Variants in STARD9 observed in about 807,000 individuals in gnomAD.
The protein encoded by STARD9 is stAR-related lipid transfer protein 9.
In STARD9, 346 loss-of-function variants were observed where a neutral mutation model predicts 399.8. The ratio of observed to expected loss-of-function variants is 0.87; its 90% confidence interval spans 0.79 to 0.95. The LOEUF (loss-of-function observed/expected upper bound fraction) is 0.95. Ranked by LOEUF, STARD9 falls within the 40% of genes least tolerant of loss-of-function variation. The probability of loss-of-function intolerance (pLI) is 0.00; values close to 1 mark genes in which losing one functional copy is unlikely to be tolerated. For synonymous variants in STARD9, 2,203 were observed against 2,143.5 expected (o/e 1.03, Z -0.77); for missense variants, 5,832 against 5,667.5 (o/e 1.03, Z -0.93).
At chr15:42,589,965 T>TC (rs2058361997) in intron 3 of STARD9, among the ~76,000 whole-genome samples, 1 of 146,788 alleles carries the variant, frequency 6.8e-6, no homozygotes, top group Non-Finnish European at 1.5e-5. Context: ...TTTTTTTTTT[T>TC]TTTTTTTTTT....
In STARD9 at chr15:42,695,977, C is replaced by T. The variant is rs7163324; in HGVS notation, c.13284+97C>T. 0.01 allele frequency: 14,090 copies of T among 1,359,274 alleles called. 705 individuals carry two copies. The African/African-American group carries it at 0.13, about 13-fold the overall frequency. The allele number at this position is 1,359,274 out of a possible 1,614,324, so 84.2% of individuals were successfully genotyped here. On this transcript the variant is annotated intron_variant, in intron 26 of 32. Transcript: ENST00000290607. ...GCCTCCTGGAGTTTGGGCAAGACGC[C>T]GTGCCTCCTGGAGGCCACTGCTGAC...
At position 42,575,663 on chromosome 15, in the gene STARD9, G is replaced by C; in HGVS notation, c.-53G>C. On this transcript the variant is annotated 5_prime_UTR_variant, in exon 1 of 33. Coordinates refer to ENST00000290607, the MANE Select transcript of STARD9 (RefSeq NM_020759.3). The stretch of plus-strand genomic sequence containing the variant: ...GGCTGTGTCTGGGCTTAGGGCGGGG[G>C]CCTGGGATGCTGCCGCTGAGCTGAC... The C allele has an allele frequency of 6.5e-7, 1 of 1,528,460 alleles. No homozygotes were observed. The highest frequency in any genetic ancestry group is 1.4e-5 in the African/African-American group (1 of 72,948). 94.7% of individuals were successfully genotyped at this position (1,528,460 alleles called of 1,614,324 possible). A position where few individuals can be genotyped will look rare whatever the true frequency, so the allele number is the denominator to read the frequency against.
At chr15:42,652,251 G>A (rs1245342452) in intron 8 of STARD9, among the ~76,000 whole-genome samples, 2 of 149,410 alleles carry the variant, frequency 1.3e-5, no homozygotes, top group Non-Finnish European at 2.9e-5. Context: ...CTTTTCACTT[G>A]AATTTTTGCT....
At position 42,692,885 on chromosome 15, in the gene STARD9, G is replaced by C; in HGVS notation, c.11307G>C (p.Ser3769=). The C allele has an allele frequency of 6.5e-7, 1 of 1,537,220 alleles. No individual in the cohort carries two copies. The highest frequency in any genetic ancestry group is 8.7e-7 in the Non-Finnish European group (1 of 1,146,908). The change falls in exon 23 of 33, where the codon TCG becomes TCC. Residue 3769 remains serine (S), a synonymous_variant. Transcript: ENST00000290607. The part of the protein sequence containing the change: ...VILEGLGSDT[S]TVSQEEGDVP... ...TTGAAGGGCTAGGCTCAGATACCTC[G>C]ACTGTGTCTCAAGAAGAGGGAGATG...
intron 3 of STARD9, among the ~76,000 whole-genome samples, chr15:42,595,060 C>A (rs76465418): frequency 0.036 from 5,460 of 152,186 alleles, 340 homozygotes; most frequent in African/African-American, 0.13. Context: ...TGTGACCTTC[C>A]CTTCTTTTAT....
chr15:42,652,369 A>G (rs1374176077), intron 8 of STARD9, 151 bp from the exon 9 acceptor site: 30 of 670,810 alleles, frequency 4.5e-5, no homozygotes, highest in Non-Finnish European at 2.6e-5. Context: ...TCTTTGGACT[A>G]TTCTCTTCAC....
chr15:42,685,421 C>G lies in STARD9; in HGVS notation c.3843C>G (p.Phe1281Leu). 1 of 1,536,426 alleles carries G rather than the reference C, an allele frequency of 6.5e-7. No homozygotes were observed. Among genetic ancestry groups the G allele is most frequent in the Non-Finnish European group, 8.7e-7 (1 of 1,146,320 alleles). Residue 1281 changes from phenylalanine (F) to leucine (L), a missense_variant, in exon 23 of 33, where the codon TTC (phenylalanine) becomes TTG (leucine). Physicochemically the swap from Phe to Leu is conservative, Grantham distance 22 (BLOSUM62 0). This residue lies in a region of STARD9 where 5,828 missense variants were observed against 5,651.1 expected (regional missense o/e 1.03). Transcript: ENST00000290607. ...MSSSFYLDPQ[F>L]QPHCELQPHC... Reference sequence around the variant, plus strand: ...GTTCGTTTTACCTTGATCCTCAGTTCCAACCCCATTGTGAGCTCCAACCCC... The same window carrying G: ...GTTCGTTTTACCTTGATCCTCAGTTGCAACCCCATTGTGAGCTCCAACCCC...
chr15:42,611,617 G>A lies in STARD9; in HGVS notation c.235-23239G>A, dbSNP rs146818998. 3.1e-3 allele frequency among the ~76,000 whole-genome samples: 477 copies of A among 152,230 alleles called. 3 individuals are homozygous for A. Among genetic ancestry groups the A allele is most frequent in the African/African-American group, 0.011 (463 of 41,526 alleles). Reference sequence around the variant, plus strand: ...CTGCCACCCTCATTGTCCTTGTCCAGGCCAGCTGCTGGGCAGACTGCTAAC... The same window carrying A: ...CTGCCACCCTCATTGTCCTTGTCCAAGCCAGCTGCTGGGCAGACTGCTAAC... On this transcript the variant is annotated intron_variant, in intron 3 of 32. Transcript: ENST00000290607.
Position 42,694,033 on chromosome 15 carries a change from C to T in STARD9, c.12455C>T (p.Ser4152Leu). 6.5e-7 allele frequency: 1 copy of T among 1,533,786 alleles called. No individual in the cohort carries two copies. Among genetic ancestry groups the T allele is most frequent in the Non-Finnish European group, 8.7e-7 (1 of 1,145,416 alleles). The change falls in exon 23 of 33, where the codon TCA (serine) becomes TTA (leucine). Residue 4152 changes from serine to leucine, a missense_variant. By Grantham distance (145) the Ser-to-Leu change is moderately radical. Coordinates refer to ENST00000290607, the MANE Select transcript of STARD9 (RefSeq NM_020759.3). ...FSNWCGVQKG[S>L]PGGLDMTEEE... is the part of the protein sequence containing the mutation. ...AACTGGTGTGGGGTTCAGAAGGGCT[C>T]ACCTGGGGGGTTGGACATGACTGAG...
At chr15:42,604,258 C>T (rs2058686397) in intron 3 of STARD9, among the ~76,000 whole-genome samples, 1 of 152,138 alleles carries the variant, frequency 6.6e-6, no homozygotes, top group African/African-American at 2.4e-5. Flanking sequence ...TTGTTTGATC[C>T]ACGCTTCTCT....
chr15:42,604,097 G>A (rs1019660662), intron 3 of STARD9, among the ~76,000 whole-genome samples: 1 of 152,172 alleles, frequency 6.6e-6, no homozygotes. Context: ...TAGTTAGCTT[G>A]ACCTGTGCCC....
At chr15:42,650,008 A>G (rs1484522602) in intron 7 of STARD9, among the ~76,000 whole-genome samples, 1 of 151,588 alleles carries the variant, frequency 6.6e-6, no homozygotes, top group Non-Finnish European at 1.5e-5. Context: ...CTGGGATTAC[A>G]GGCATGCACC....
At chr15:42,612,275 G>T (rs2058865998) in intron 3 of STARD9, among the ~76,000 whole-genome samples, 1 of 152,152 alleles carries the variant, frequency 6.6e-6, no homozygotes, top group Non-Finnish European at 1.5e-5. Flanking sequence ...ACCTCGCCTG[G>T]CCCCTTATTA....
chr15:42,682,491 G>A lies in STARD9; in HGVS notation c.2453G>A (p.Arg818Gln), dbSNP rs756212545. ...QVLSPDATVPRPPCRSKLTSC... is the reference protein window; with the variant it reads ...QVLSPDATVPQPPCRSKLTSC... ...CTCAGCCCTGATGCCACAGTCCCAC[G>A]GCCTCCATGTAGAAGCAAATTGACG... The change falls in exon 22 of 33, where the codon CGG becomes CAG. Residue 818 changes from arginine (R) to glutamine (Q), a missense_variant. Coordinates refer to ENST00000290607, the MANE Select transcript of STARD9 (RefSeq NM_020759.3). The A allele has an allele frequency of 8.8e-5, 136 of 1,537,016 alleles. No homozygotes were observed. Among genetic ancestry groups the A allele is most frequent in the Non-Finnish European group, 1.1e-4 (124 of 1,146,886 alleles).
Position 42,685,109 on chromosome 15 carries a change from CAG to C in STARD9, c.3533_3534del (p.Arg1178AsnfsTer2). 1 of 1,537,216 alleles carries C rather than the reference CAG, an allele frequency of 6.5e-7. No homozygotes were observed. Among genetic ancestry groups the C allele is most frequent in the Non-Finnish European group, 8.7e-7 (1 of 1,146,936 alleles). ...PTNNRGQPRT[R>X]TRASVRGFTA... Reference sequence around the variant, plus strand: ...CCAACAACCGTGGCCAACCCAGGACCAGAACTAGAGCTTCTGTGAGGGGCTTC... The same window carrying C: ...CCAACAACCGTGGCCAACCCAGGACCAACTAGAGCTTCTGTGAGGGGCTTC... On this transcript the variant is annotated frameshift_variant, in exon 23 of 33. Coordinates refer to ENST00000290607, the MANE Select transcript of STARD9 (RefSeq NM_020759.3). LOFTEE classifies it high-confidence loss of function.
chr15:42,575,816 G>A, intron 1 of STARD9, 54 bp downstream of exon 1: 1 of 1,508,620 alleles, frequency 6.6e-7, no homozygotes, highest in African/African-American at 1.4e-5. Flanking sequence ...GAAAAGAGCG[G>A]GAGGTCCGCG....
At chr15:42,703,672 C>T (rs1246193291) in intron 26 of STARD9, among the ~76,000 whole-genome samples, 1 of 152,024 alleles carries the variant, frequency 6.6e-6, no homozygotes, top group Non-Finnish European at 1.5e-5. Flanking sequence ...CGCGCCTGGC[C>T]ACATTTGTTC....
At chr15:42,710,331 G>A (rs940064425) in intron 26 of STARD9, among the ~76,000 whole-genome samples, 5 of 151,246 alleles carry the variant, frequency 3.3e-5, no homozygotes, top group Admixed American at 3.3e-4. Context: ...CCAAAGTGTT[G>A]GAATACGGAC....
intron 7 of STARD9, among the ~76,000 whole-genome samples, chr15:42,642,043 T>A (rs933614250): frequency 2.6e-5 from 4 of 151,198 alleles, no homozygotes; most frequent in African/African-American, 9.7e-5. Context: ...TTTAAAAAAA[T>A]GTTTTCTTTC....
Sources: gnomAD v4.1 joint callset for allele counts (sites outside exome capture counted in the v4.1 genomes callset) on GRCh38, gnomAD v4.1.1 for gene constraint, gnomAD v4.1.1 regional missense constraint, MANE v1.5 for transcripts, NCBI Gene and HGNC (gene_info 2026-07-23, HGNC 2026-07-21) for gene names.